The following GFRA1 variants were observed in gnomAD, a reference collection of about 807,000 sequenced individuals.
GFRA1 encodes GDNF family receptor alpha-1.
In GFRA1, 16 loss-of-function variants were observed where a neutral mutation model predicts 51.6. The observed-to-expected ratio is 0.31, with a 90% CI of 0.21 to 0.47. The LOEUF (loss-of-function observed/expected upper bound fraction) is 0.47. Among genes scored for constraint, GFRA1 ranks in the 20% least tolerant of loss-of-function variants. The pLI, the probability that GFRA1 is intolerant of heterozygous loss-of-function variation, is 1.00. For missense variants in GFRA1, 530 were observed against 594.3 expected (o/e 0.89, Z 1.13); for synonymous variants, 270 against 241.3 (o/e 1.12, Z -1.10).
At position 116,064,454 on chromosome 10, in the gene GFRA1, G is replaced by C. The variant is rs760546990; in HGVS notation, c.1342C>G (p.Leu448Val). Residue 448 changes from leucine (L) to valine (V), a missense_variant, in exon 11 of 11, where the codon CTG becomes GTG. Transcript: ENST00000355422. ...GACAGAGCGGTTACCACCAGGACCA[G>C]CAGTGGGCTCAGACCACAGCTTGGA... ...APPSCGLSPL[L>V]VLVVTALSTL... 3.2e-5 allele frequency: 51 copies of C among 1,613,026 alleles called. No homozygotes were observed. The highest frequency in any genetic ancestry group is 4.2e-5 in the Non-Finnish European group (50 of 1,179,644).
chr10:116,255,790 T>C, intron 4 of GFRA1: 1 of 1,265,974 alleles, frequency 7.9e-7, no homozygotes, highest in Non-Finnish European at 1.0e-6. Flanking sequence ...CCCCAGCAGC[T>C]AGCACATTCC....
At chr10:116,109,391 T>A (rs1250078030) in intron 6 of GFRA1, among the ~76,000 whole-genome samples, 1 of 152,208 alleles carries the variant, frequency 6.6e-6, no homozygotes, top group Non-Finnish European at 1.5e-5. Context: ...CTAGGCCCAA[T>A]AAAAGAATGA....
intron 4 of GFRA1, among the ~76,000 whole-genome samples, chr10:116,268,375 C>T (rs559146586): frequency 6.6e-6 from 1 of 152,238 alleles, no homozygotes; most frequent in Non-Finnish European, 1.5e-5. Context: ...CATTGCTTGG[C>T]AAATAATAAG....
intron 4 of GFRA1, among the ~76,000 whole-genome samples, chr10:116,224,586 A>C (rs191814714): frequency 6.6e-6 from 1 of 152,358 alleles, no homozygotes; most frequent in East Asian, 1.9e-4. Flanking sequence ...GAAAGAAGCC[A>C]GACACAAAGA....
At chr10:116,187,814 G>A (rs919114944) in intron 5 of GFRA1, among the ~76,000 whole-genome samples, 1 of 152,114 alleles carries the variant, frequency 6.6e-6, no homozygotes, top group African/African-American at 2.4e-5. Context: ...AAGGCAGTGA[G>A]GATTCTAGTA....
chr10:116,261,035 T>C (rs1244818975), intron 4 of GFRA1, among the ~76,000 whole-genome samples: 1 of 152,230 alleles, frequency 6.6e-6, no homozygotes, highest in Non-Finnish European at 1.5e-5. Flanking sequence ...AGAGACCTAT[T>C]AATTAACCCT....
At chr10:116,110,159 C>T (rs546906037) in intron 6 of GFRA1, among the ~76,000 whole-genome samples, 2 of 152,324 alleles carry the variant, frequency 1.3e-5, no homozygotes, top group East Asian at 1.9e-4. Context: ...GAATCCTCAG[C>T]CTGGGAACCT....
At chr10:116,252,506 G>A (rs1968467517) in intron 4 of GFRA1, among the ~76,000 whole-genome samples, 1 of 152,124 alleles carries the variant, frequency 6.6e-6, no homozygotes, top group Non-Finnish European at 1.5e-5. Context: ...ACTGCATGGT[G>A]GGGCTGCTTT....
At chr10:116,098,514 G>T (rs1956696601) in intron 6 of GFRA1, among the ~76,000 whole-genome samples, 1 of 152,222 alleles carries the variant, frequency 6.6e-6, no homozygotes, top group Admixed American at 6.5e-5. Flanking sequence ...GGTCATGAAA[G>T]TTAATGATCT....
chr10:116,100,353 C>G (rs1460695435), intron 6 of GFRA1, among the ~76,000 whole-genome samples: 2 of 152,296 alleles, frequency 1.3e-5, no homozygotes, highest in African/African-American at 4.8e-5. Flanking sequence ...GGCACGGAGC[C>G]TTTAAGCAAC....
At chr10:116,246,847 CT>C (rs1967907156) in intron 4 of GFRA1, among the ~76,000 whole-genome samples, 1 of 152,068 alleles carries the variant, frequency 6.6e-6, no homozygotes, top group South Asian at 2.1e-4. Context: ...ATGTGCATGC[CT>C]CATAACCCAG....
At chr10:116,171,472 C>G (rs1483966951) in intron 5 of GFRA1, among the ~76,000 whole-genome samples, 1 of 152,188 alleles carries the variant, frequency 6.6e-6, no homozygotes, top group South Asian at 2.1e-4. Context: ...TCTGTAATAA[C>G]ATCTATTTCA....
chr10:116,151,694 G>A (rs1677253043), intron 5 of GFRA1, among the ~76,000 whole-genome samples: 2 of 152,070 alleles, frequency 1.3e-5, no homozygotes, highest in South Asian at 4.2e-4. Context: ...GAGGAAGCAG[G>A]AGGATACGCA....
rs1266423088 is a variant in GFRA1 at position 116,256,075 on chromosome 10, G to A, written c.418+13428C>T. Reference sequence around the variant, plus strand: ...GGTTTCCTGCACAGCTCAGGAGGGCGGAAAAACAAATGAAACATTCCGTAA... The same window carrying A: ...GGTTTCCTGCACAGCTCAGGAGGGCAGAAAAACAAATGAAACATTCCGTAA... On this transcript the variant is annotated intron_variant, in intron 4 of 10. Coordinates refer to ENST00000355422, the MANE Select transcript of GFRA1 (RefSeq NM_005264.8). Among the ~76,000 whole-genome samples the A allele has an allele frequency of 3.9e-5, 6 of 152,176 alleles. No homozygotes were observed. The South Asian group carries it at 6.2e-4, about 16-fold the overall frequency.
chr10:116,088,495 T>A (rs921690515), intron 9 of GFRA1, among the ~76,000 whole-genome samples: 2 of 152,076 alleles, frequency 1.3e-5, no homozygotes, highest in African/African-American at 4.8e-5. Flanking sequence ...CTGTGACCCA[T>A]TAGCTCTGCA....
At chr10:116,172,217 T>C (rs1446630522) in intron 5 of GFRA1, among the ~76,000 whole-genome samples, 1 of 152,110 alleles carries the variant, frequency 6.6e-6, no homozygotes, top group Non-Finnish European at 1.5e-5. Context: ...TCCTAATCCC[T>C]CTGCTGTGCC....
At chr10:116,093,573 G>A (rs962742124) in intron 8 of GFRA1, 129 bp downstream of exon 8, 12 of 802,038 alleles carry the variant, frequency 1.5e-5, no homozygotes, top group Non-Finnish European at 2.3e-5. Flanking sequence ...GAGAGAGGAA[G>A]CAGGCACAAG....
chr10:116,105,915 A>G (rs1418101246), intron 6 of GFRA1, among the ~76,000 whole-genome samples: 3 of 152,210 alleles, frequency 2.0e-5, no homozygotes, highest in African/African-American at 7.2e-5. Context: ...ATTACAGTTC[A>G]TGGCAAAATG....
chr10:116,263,400 G>A (rs985092152), intron 4 of GFRA1, among the ~76,000 whole-genome samples: 1 of 152,134 alleles, frequency 6.6e-6, no homozygotes, highest in African/African-American at 2.4e-5. Flanking sequence ...CTATACAGTA[G>A]GCATTATCAT....
Sources: gnomAD v4.1 joint callset for allele counts (sites outside exome capture counted in the v4.1 genomes callset) on GRCh38, gnomAD v4.1.1 for gene constraint, MANE v1.5 for transcripts, NCBI Gene and HGNC (gene_info 2026-07-23, HGNC 2026-07-21) for gene names.